TEX11: variants seen among roughly 807,000 people sequenced by gnomAD.
TEX11 encodes the protein testis expressed 11.
In TEX11, 7 loss-of-function variants were observed where a neutral mutation model predicts 84.4. That is an observed-to-expected ratio of 0.08 (90% confidence interval 0.05 to 0.16). TEX11 has a LOEUF of 0.16. Among genes scored for constraint, TEX11 ranks in the 10% least tolerant of loss-of-function variants. TEX11 has a pLI of 1.00. For synonymous variants in TEX11, 264 were observed against 222.8 expected, an observed-to-expected ratio of 1.18 and a Z score of -1.64; for missense variants, 551 against 660.5, an observed-to-expected ratio of 0.83 and a Z score of 1.82.
intron 15 of TEX11, among the ~76,000 whole-genome samples, chrX:70,672,279 C>T (rs1313720880): frequency 9.0e-6 from 1 of 111,003 alleles, no homozygotes; most frequent in Non-Finnish European, 1.9e-5. Flanking sequence ...TTGGCTGTTT[C>T]CAGTTTTTAA....
chrX:70,568,011 A>T (rs181946790), intron 25 of TEX11, among the ~76,000 whole-genome samples: 1 of 111,342 alleles, frequency 9.0e-6, no homozygotes, highest in African/African-American at 3.3e-5. Context: ...GGGGTGTTAA[A>T]GTCTCCCATT....
chrX:70,588,207 A>G (rs755389935), intron 25 of TEX11, among the ~76,000 whole-genome samples: 4 of 111,983 alleles, frequency 3.6e-5, no homozygotes, highest in Non-Finnish European at 7.5e-5. Flanking sequence ...TTGGGAAGGC[A>G]TGATTGGTTT....
intron 9 of TEX11, among the ~76,000 whole-genome samples, chrX:70,774,387 G>A (rs1256911959): frequency 1.8e-5 from 2 of 109,806 alleles, no homozygotes; most frequent in Non-Finnish European, 3.8e-5. Context: ...AGAGCAATCA[G>A]GCAAAAGAAA....
At chrX:70,689,192 T>C (rs2090214202) in intron 13 of TEX11, among the ~76,000 whole-genome samples, 1 of 111,324 alleles carries the variant, frequency 9.0e-6, no homozygotes, top group Non-Finnish European at 1.9e-5. Context: ...ATGATCTAAG[T>C]GCTAATGAAT....
intron 20 of TEX11, among the ~76,000 whole-genome samples, chrX:70,614,561 A>T (rs1328966817): frequency 9.0e-6 from 1 of 111,452 alleles, no homozygotes; most frequent in East Asian, 2.8e-4. Flanking sequence ...GCTTCTCTGG[A>T]CTCACCTGGG....
intron 16 of TEX11, among the ~76,000 whole-genome samples, chrX:70,655,507 G>T (rs779021070): frequency 9.0e-6 from 1 of 111,570 alleles, no homozygotes; most frequent in Non-Finnish European, 1.9e-5. Flanking sequence ...TTCACCTTAC[G>T]ATATTTTCAA....
intron 13 of TEX11, among the ~76,000 whole-genome samples, chrX:70,696,659 C>T (rs1334136617): frequency 9.0e-6 from 1 of 111,159 alleles, no homozygotes; most frequent in East Asian, 2.8e-4. Flanking sequence ...GTCCCAGCTA[C>T]TCAGAAGGCT....
chrX:70,773,932 G>A (rs192633493), intron 9 of TEX11, among the ~76,000 whole-genome samples: 4 of 111,019 alleles, frequency 3.6e-5, no homozygotes, highest in Non-Finnish European at 7.5e-5. Context: ...CAGAGAAAGA[G>A]TGAGAGACCC....
At position 70,565,733 on chromosome X, in the gene TEX11, T is replaced by G. The variant is rs1259490599; in HGVS notation, c.2141-10933A>C. 5.4e-5 allele frequency among the ~76,000 whole-genome samples: 6 copies of G among 110,667 alleles called. No individual in the cohort carries two copies. The South Asian group carries it at 2.4e-3, about 43-fold the overall frequency. On this transcript the variant is annotated intron_variant, in intron 25 of 29. Transcript: ENST00000374333. ...AGTTGTAGATATGCGGCTTTATTTC[T>G]GAGGGCTCTGTTCTGTTCCATTGAT...
chrX:70,824,100 C>T (rs2147824350), intron 8 of TEX11, among the ~76,000 whole-genome samples: 1 of 111,857 alleles, frequency 8.9e-6, no homozygotes, highest in Non-Finnish European at 1.9e-5. Context: ...CTTTATCTCC[C>T]ACTGAATGTA....
rs144412485 is a variant in TEX11 at position 70,797,084 on chromosome X, C to T, written c.692+9621G>A. 7.1e-3 allele frequency among the ~76,000 whole-genome samples: 797 copies of T among 112,157 alleles called. 7 individuals carry two copies. Among genetic ancestry groups the T allele is most frequent in the African/African-American group, 0.024 (745 of 30,938 alleles). ...TCTCAAAGAACTTAAAACAGAACTA[C>T]TATTTGATTCCACAATTTCATTACT... On this transcript the variant is annotated intron_variant, in intron 9 of 29. Coordinates refer to ENST00000374333, the MANE Select transcript of TEX11 (RefSeq NM_031276.3).
intron 13 of TEX11, among the ~76,000 whole-genome samples, chrX:70,702,848 AC>A: frequency 9.0e-6 from 1 of 111,005 alleles, no homozygotes; most frequent in East Asian, 2.8e-4. Context: ...AAATTTTAAG[AC>A]CTCTGTAGGG....
intron 15 of TEX11, among the ~76,000 whole-genome samples, chrX:70,678,159 C>T (rs1002468653): frequency 9.1e-6 from 1 of 109,448 alleles, no homozygotes; most frequent in East Asian, 2.9e-4. Flanking sequence ...TCCTTCATTG[C>T]CTGATGTTCA....
chrX:70,554,549 T>A, intron 26 of TEX11, 102 bp downstream of exon 26: 1 of 832,195 alleles, frequency 1.2e-6, no homozygotes, highest in Non-Finnish European at 1.6e-6. Flanking sequence ...TGAGAAAAAA[T>A]TATTTCCTAC....
In TEX11 at chrX:70,651,490, A is replaced by G. The variant is rs1449538351; in HGVS notation, c.1443T>C (p.Tyr481=). The G allele has an allele frequency of 8.3e-7, 1 of 1,206,123 alleles. No individual in the cohort carries two copies. The highest frequency in any genetic ancestry group is 1.1e-6 in the Non-Finnish European group (1 of 892,766). ...CCTCTATGACTGCAATCTTGAATAT[A>G]TAAAATTGAGTGAAAACGTTCCTAG... ...HDPRNVFTQF[Y]IFKIAVIEGN... The change falls in exon 17 of 30, where the codon TAT becomes TAC. Residue 481 remains tyrosine, a synonymous_variant. Transcript: ENST00000374333.
chrX:70,902,384 T>A (rs2091808095), intron 2 of TEX11, among the ~76,000 whole-genome samples: 1 of 111,723 alleles, frequency 9.0e-6, no homozygotes, highest in African/African-American at 3.3e-5. Flanking sequence ...TATGTGAAGG[T>A]CTAGGACATT....
chrX:70,894,170 C>T (rs1278235505), intron 2 of TEX11, among the ~76,000 whole-genome samples: 3 of 110,998 alleles, frequency 2.7e-5, no homozygotes, highest in African/African-American at 9.8e-5. Flanking sequence ...ACCATTCCTT[C>T]CGAAACTATT....
At chrX:70,715,353 G>C (rs1251228661) in intron 13 of TEX11, among the ~76,000 whole-genome samples, 1 of 111,668 alleles carries the variant, frequency 9.0e-6, no homozygotes, top group Non-Finnish European at 1.9e-5. Flanking sequence ...TTGCTAGATT[G>C]GGGAAGTTCT....
chrX:70,887,569 G>C (rs2091716341), intron 2 of TEX11, among the ~76,000 whole-genome samples: 1 of 112,151 alleles, frequency 8.9e-6, no homozygotes, highest in Admixed American at 9.4e-5. Context: ...AGTGCACCAG[G>C]TAGATGTCTA....
Sources: allele counts gnomAD v4.1 joint callset (sites outside exome capture counted in the v4.1 genomes callset), GRCh38; gene constraint gnomAD v4.1.1; transcripts MANE v1.5; gene names NCBI Gene and HGNC (gene_info 2026-07-23, HGNC 2026-07-21).